The following LRP1B variants were observed in gnomAD, a reference collection of about 807,000 sequenced individuals.
The protein encoded by LRP1B is low-density lipoprotein receptor-related protein 1B.
LRP1B carries 217 observed loss-of-function variants against 556.6 expected under a neutral mutation model. The ratio of observed to expected loss-of-function variants is 0.39; its 90% CI spans 0.35 to 0.44. LRP1B has a LOEUF of 0.44. Among genes scored for constraint, LRP1B ranks in the 20% least tolerant of loss-of-function variants. LRP1B has a pLI of 1.00. For synonymous variants in LRP1B, 2,047 were observed against 1,865.8 expected (o/e 1.10, Z -2.50); for missense variants, 5,053 against 5,620.8 (o/e 0.90, Z 3.23).
At chr2:141,333,351 A>T (rs953545396) in intron 3 of LRP1B, among the ~76,000 whole-genome samples, 8 of 152,170 alleles carry the variant, frequency 5.3e-5, no homozygotes, top group African/African-American at 1.9e-4. Flanking sequence ...GGAGATTATG[A>T]TCCCATGATT....
At chr2:141,263,059 A>C (rs1402249169) in intron 3 of LRP1B, among the ~76,000 whole-genome samples, 2 of 151,848 alleles carry the variant, frequency 1.3e-5, no homozygotes, top group African/African-American at 2.4e-5. Context: ...TTAATTTTTT[A>C]AATTTTTCAT....
intron 29 of LRP1B, among the ~76,000 whole-genome samples, chr2:140,845,043 T>C (rs1189206016): frequency 6.6e-6 from 1 of 151,860 alleles, no homozygotes; most frequent in African/African-American, 2.4e-5. Flanking sequence ...GAAAGATGAG[T>C]GAGAGAAAAA....
intron 43 of LRP1B, among the ~76,000 whole-genome samples, chr2:140,588,929 A>G (rs1207868005): frequency 1.8e-5 from 2 of 113,640 alleles, no homozygotes; most frequent in African/African-American, 8.3e-5. Flanking sequence ...CACGCACTCC[A>G]TCCAGCCTGG....
At chr2:140,729,945 A>G (rs1365862182) in intron 35 of LRP1B, among the ~76,000 whole-genome samples, 1 of 152,134 alleles carries the variant, frequency 6.6e-6, no homozygotes, top group Non-Finnish European at 1.5e-5. Context: ...GCTGCCCTCA[A>G]TCTTCTCATT....
chr2:141,065,452 T>G (rs927024785), intron 7 of LRP1B, among the ~76,000 whole-genome samples: 1 of 151,978 alleles, frequency 6.6e-6, no homozygotes, highest in South Asian at 2.1e-4. Flanking sequence ...CATGATACAT[T>G]GTGTTTAATC....
intron 2 of LRP1B, among the ~76,000 whole-genome samples, chr2:141,627,247 T>C (rs1688733346): frequency 6.6e-6 from 1 of 152,152 alleles, no homozygotes; most frequent in East Asian, 1.9e-4. Flanking sequence ...AAAGCAAAAC[T>C]ATGAAGACAG....
chr2:141,718,553 T>C (rs1349983543), intron 2 of LRP1B, among the ~76,000 whole-genome samples: 1 of 152,204 alleles, frequency 6.6e-6, no homozygotes, highest in Non-Finnish European at 1.5e-5. Context: ...ATGGCATTTA[T>C]TGAAATATTT....
At chr2:140,476,693 A>G (rs778897994) in intron 59 of LRP1B, among the ~76,000 whole-genome samples, 1 of 152,012 alleles carries the variant, frequency 6.6e-6, no homozygotes, top group Non-Finnish European at 1.5e-5. Flanking sequence ...TAGTCAAACT[A>G]TCATTGAAGT....
chr2:141,207,679 T>A (rs1049697187), intron 6 of LRP1B, among the ~76,000 whole-genome samples: 1 of 152,070 alleles, frequency 6.6e-6, no homozygotes, highest in African/African-American at 2.4e-5. Flanking sequence ...GTTTTTGTTT[T>A]TGTTTTTGTT....
chr2:141,350,843 C>T (rs1688419111), intron 3 of LRP1B, among the ~76,000 whole-genome samples: 2 of 151,924 alleles, frequency 1.3e-5, no homozygotes, highest in Non-Finnish European at 2.9e-5. Flanking sequence ...TAGATTTTGG[C>T]CGCCATTGGA....
At chr2:140,646,761 A>T (rs976577599) in intron 41 of LRP1B, among the ~76,000 whole-genome samples, 8 of 152,138 alleles carry the variant, frequency 5.3e-5, no homozygotes, top group Non-Finnish European at 1.0e-4. Context: ...AGTTTTCAGC[A>T]TCATTCCTAG....
At chr2:140,725,329 CT>C (rs57049412) in intron 35 of LRP1B, among the ~76,000 whole-genome samples, 27,844 of 150,856 alleles carry the variant, frequency 0.18, 2,719 homozygotes, top group East Asian at 0.29. Context: ...AAGACCAGAC[CT>C]TTTTTTTTCA....
At chr2:141,013,235 G>A (rs1171957404) in intron 14 of LRP1B, among the ~76,000 whole-genome samples, 2 of 151,702 alleles carry the variant, frequency 1.3e-5, no homozygotes, top group Non-Finnish European at 2.9e-5. Flanking sequence ...CAATACTTAC[G>A]CTTTGAAAAC....
At chr2:140,641,872 A>G (rs1475355681) in intron 41 of LRP1B, among the ~76,000 whole-genome samples, 1 of 152,250 alleles carries the variant, frequency 6.6e-6, no homozygotes, top group Non-Finnish European at 1.5e-5. Flanking sequence ...CTAAAGGCCA[A>G]ACCTAAGACT....
chr2:140,986,911 T>G (rs900522639), intron 17 of LRP1B, among the ~76,000 whole-genome samples: 1 of 152,194 alleles, frequency 6.6e-6, no homozygotes, highest in East Asian at 1.9e-4. Flanking sequence ...ATAATCACAA[T>G]GCAAACAGCT....
At position 140,886,219 on chromosome 2, in the gene LRP1B, A is replaced by G; in HGVS notation, c.3883T>C (p.Phe1295Leu). The G allele has an allele frequency of 6.2e-7, 1 of 1,611,042 alleles. No individual in the cohort carries two copies. Among genetic ancestry groups the G allele is most frequent in the South Asian group, 1.1e-5 (1 of 90,892 alleles). The part of the protein sequence containing the change: ...PGLRNTIALD[F>L]HFNQSLLYWT... ...TAAAGTAAACTTTGATTGAAGTGAA[A>G]ATCAAGTGCTATTGTGTTTCTCAAT... Residue 1295 changes from phenylalanine (F) to leucine (L), a missense_variant, in exon 24 of 91, where the codon TTT becomes CTT. Phe to Leu is a conservative substitution (Grantham distance 22, BLOSUM62 0). Coordinates refer to ENST00000389484, the MANE Select transcript of LRP1B (RefSeq NM_018557.3).
At chr2:140,240,329 A>G (rs1006470452) in intron 87 of LRP1B, among the ~76,000 whole-genome samples, 11 of 150,910 alleles carry the variant, frequency 7.3e-5, no homozygotes, top group Admixed American at 4.0e-4. Context: ...CTAACAGAAT[A>G]GATCTTCAAA....
At chr2:142,047,839 A>G (rs1389735847) in intron 1 of LRP1B, among the ~76,000 whole-genome samples, 5 of 152,026 alleles carry the variant, frequency 3.3e-5, no homozygotes, top group Admixed American at 1.3e-4. Flanking sequence ...GGTAGAACCA[A>G]TAGAAGCTCC....
intron 2 of LRP1B, among the ~76,000 whole-genome samples, chr2:141,724,219 A>T (rs537853863): frequency 7.2e-5 from 11 of 152,050 alleles, no homozygotes; most frequent in African/African-American, 2.4e-4. Flanking sequence ...GATATATACA[A>T]GCAGAAAACA....
Sources: allele counts gnomAD v4.1 joint callset (sites outside exome capture counted in the v4.1 genomes callset), GRCh38; gene constraint gnomAD v4.1.1; transcripts MANE v1.5; gene names NCBI Gene and HGNC (gene_info 2026-07-23, HGNC 2026-07-21).